Variants in TRAM2 observed in about 807,000 individuals in gnomAD.
TRAM2 encodes translocation associated membrane protein 2, also known as translocating chain-associated membrane protein 2.
Under a neutral mutation model 51.0 loss-of-function variants are expected in TRAM2, and 12 were observed. That is an observed-to-expected ratio of 0.24 (90% CI 0.15 to 0.38). The LOEUF (loss-of-function observed/expected upper bound fraction) is 0.38, where lower values mean the gene tolerates loss of function less well. Ranked by LOEUF, TRAM2 falls within the 10% of genes least tolerant of loss-of-function variation. The probability of loss-of-function intolerance (pLI) is 1.00; values close to 1 mark genes in which losing one functional copy is unlikely to be tolerated. For missense variants in TRAM2, 361 were observed against 462.0 expected, an observed-to-expected ratio of 0.78 and a Z score of 2.00; for synonymous variants, 175 against 179.4, an observed-to-expected ratio of 0.98 and a Z score of 0.20.
chr6:52,553,875 TCC>T (rs1282818109), intron 1 of TRAM2, among the ~76,000 whole-genome samples: 2 of 152,164 alleles, frequency 1.3e-5, no homozygotes, highest in African/African-American at 4.8e-5. Flanking sequence ...TAGTCATTCT[TCC>T]TCTTGTTTTT....
chr6:52,512,085 A>T (rs138346068), intron 4 of TRAM2, among the ~76,000 whole-genome samples: 2 of 152,282 alleles, frequency 1.3e-5, no homozygotes, highest in Non-Finnish European at 2.9e-5. Context: ...TTCCAGGGAC[A>T]TCAGAAAGGT....
Position 52,515,865 on chromosome 6 carries a change from A to G in TRAM2, c.411+141T>C. The G allele has an allele frequency of 4.3e-6, 3 of 704,126 alleles. No individual in the cohort carries two copies. The South Asian group carries it at 5.3e-5, about 12-fold the overall frequency. 43.6% of individuals were successfully genotyped at this position (704,126 alleles called of 1,614,324 possible). On this transcript the variant is annotated intron_variant, in intron 4 of 10. Transcript: ENST00000182527. ...TAGCTTCAGTTCTAAGAAGCTAAGA[A>G]GGTTCTAAGAAACTTGTTCCCCTTA... is the stretch of plus-strand genomic sequence containing the variant.
chr6:52,527,331 T>C (rs557526195), intron 2 of TRAM2, among the ~76,000 whole-genome samples: 39 of 149,890 alleles, frequency 2.6e-4, no homozygotes, highest in East Asian at 2.2e-3. Flanking sequence ...TGGGAAGAGA[T>C]TGTGCCACTG....
At chr6:52,536,968 A>G (rs1483134523) in intron 1 of TRAM2, among the ~76,000 whole-genome samples, 1 of 152,230 alleles carries the variant, frequency 6.6e-6, no homozygotes, top group African/African-American at 2.4e-5. Flanking sequence ...TGGCAAAGGC[A>G]GCATGGAAAT....
At chr6:52,558,081 G>A (rs1236422691) in intron 1 of TRAM2, among the ~76,000 whole-genome samples, 6 of 152,144 alleles carry the variant, frequency 3.9e-5, no homozygotes, top group East Asian at 1.9e-4. Flanking sequence ...TGGCAGCAGC[G>A]CCCTTCTCCT....
intron 1 of TRAM2, among the ~76,000 whole-genome samples, chr6:52,568,637 T>C (rs1767627890): frequency 6.6e-6 from 1 of 152,210 alleles, no homozygotes; most frequent in African/African-American, 2.4e-5. Flanking sequence ...TGATAAATAA[T>C]TATGTAAATT....
rs1460611822 is a variant in TRAM2 at position 52,503,191 on chromosome 6, T to C, written c.*6A>G. ...CAAGAGGATTCCTGTTCTTAGCACT[T>C]TGGCCTTAGGGAGACTTGAGTTTCT... On this transcript the variant is annotated 3_prime_UTR_variant, in exon 11 of 11. Coordinates refer to ENST00000182527, the MANE Select transcript of TRAM2 (RefSeq NM_012288.4). 1.2e-6 allele frequency: 2 copies of C among 1,613,008 alleles called. No homozygotes were observed. The highest frequency in any genetic ancestry group is 1.7e-6 in the Non-Finnish European group (2 of 1,179,420).
At chr6:52,553,916 T>A (rs1767355305) in intron 1 of TRAM2, among the ~76,000 whole-genome samples, 1 of 152,222 alleles carries the variant, frequency 6.6e-6, no homozygotes, top group South Asian at 2.1e-4. Flanking sequence ...TATCATTTTC[T>A]GGGTTCTCCT....
rs117419239 is a variant in TRAM2, at chr6:52,512,364, C to T, written c.412-2778G>A. 4.6e-3 allele frequency among the ~76,000 whole-genome samples: 698 copies of T among 152,240 alleles called. 12 individuals carry two copies. In the South Asian group the frequency reaches 0.065, roughly 14 times the overall value. On this transcript the variant is annotated intron_variant, in intron 4 of 10. Transcript: ENST00000182527. ...TGTTGCCTGCTTGTGAATGTCCAGT[C>T]CACGGGGACTGGAGGAGGAAAAGGG...
intron 2 of TRAM2, among the ~76,000 whole-genome samples, chr6:52,530,645 T>C (rs1766871463): frequency 6.6e-6 from 1 of 152,058 alleles, no homozygotes; most frequent in African/African-American, 2.4e-5. Flanking sequence ...AGACTGACAC[T>C]TCACACGCGA....
At chr6:52,558,076 GC>G (rs1767439386) in intron 1 of TRAM2, among the ~76,000 whole-genome samples, 1 of 152,190 alleles carries the variant, frequency 6.6e-6, no homozygotes, top group Non-Finnish European at 1.5e-5. Flanking sequence ...GGTTTTGGCA[GC>G]AGCGCCCTTC....
At chr6:52,505,373 C>G (rs1766328568) in intron 9 of TRAM2, among the ~76,000 whole-genome samples, 1 of 152,226 alleles carries the variant, frequency 6.6e-6, no homozygotes, top group Non-Finnish European at 1.5e-5. Context: ...GTAAGGGATT[C>G]CTATTTGGAC....
rs1402453052 is a variant in TRAM2, at chr6:52,501,552, CT to C, written c.*1644del. On this transcript the variant is annotated 3_prime_UTR_variant, in exon 11 of 11. Coordinates refer to ENST00000182527, the MANE Select transcript of TRAM2 (RefSeq NM_012288.4). ...AGAGTTCGGAGGTTCTTAATTGGGA[CT>C]TTTGTTTTTTTAGACAGAATTTCGC... 6.6e-6 allele frequency: 1 copy of C among 152,138 alleles called. No individual in the cohort carries two copies. Among genetic ancestry groups the C allele is most frequent in the African/African-American group, 2.4e-5 (1 of 41,414 alleles). 9.4% of individuals were successfully genotyped at this position (152,138 alleles called of 1,614,324 possible). A position where few individuals can be genotyped will look rare whatever the true frequency, so the allele number is the denominator to read the frequency against.
Position 52,516,715 on chromosome 6 carries a change from G to A in TRAM2, c.207C>T (p.His69=). ...TTGTGACCAGGTCCTTAGGGCCATA[G>A]TGGTAGTGCACGGTCTCACTGTCTG... ...PTADSETVHY[H]YGPKDLVTIL... is the part of the protein sequence containing the mutation. The change falls in exon 3 of 11, where the codon CAC becomes CAT. Residue 69 remains histidine, a synonymous_variant. Transcript: ENST00000182527. 1.2e-6 allele frequency: 2 copies of A among 1,614,054 alleles called. No homozygotes were observed. Among genetic ancestry groups the A allele is most frequent in the Non-Finnish European group, 1.7e-6 (2 of 1,179,900 alleles).
intron 10 of TRAM2, among the ~76,000 whole-genome samples, chr6:52,504,368 C>T (rs1026145815): frequency 6.6e-6 from 1 of 152,228 alleles, no homozygotes; most frequent in Admixed American, 6.5e-5. Flanking sequence ...CCAGGGCTCC[C>T]AGCCTAGTTA....
At chr6:52,509,626 C>G in intron 4 of TRAM2, 40 bp from the exon 5 acceptor site, 1 of 1,604,644 alleles carries the variant, frequency 6.2e-7, no homozygotes, top group Non-Finnish European at 8.5e-7. Context: ...GAGATGTGGA[C>G]GTGAGACCTG....
At chr6:52,505,515 C>G in intron 9 of TRAM2, 84 bp downstream of exon 9, 1 of 1,498,572 alleles carries the variant, frequency 6.7e-7, no homozygotes, top group Non-Finnish European at 8.9e-7. Flanking sequence ...ACTAAAGGGT[C>G]TGCTGCCTCC....
chr6:52,510,155 C>CT (rs1253255583), intron 4 of TRAM2, among the ~76,000 whole-genome samples: 1 of 152,226 alleles, frequency 6.6e-6, no homozygotes, highest in African/African-American at 2.4e-5. Context: ...CAGCTGGACT[C>CT]TGACACCTAC....
intron 1 of TRAM2, among the ~76,000 whole-genome samples, chr6:52,564,360 T>C (rs1200560942): frequency 2.0e-5 from 3 of 152,080 alleles, no homozygotes; most frequent in Non-Finnish European, 4.4e-5. Context: ...AACACCTCCA[T>C]GGCCAGAACC....
Sources: allele counts gnomAD v4.1 joint callset (sites outside exome capture counted in the v4.1 genomes callset), GRCh38; gene constraint gnomAD v4.1.1; transcripts MANE v1.5; gene names NCBI Gene and HGNC (gene_info 2026-07-23, HGNC 2026-07-21).